KIAA0232: variants seen among roughly 807,000 people sequenced by gnomAD.
KIAA0232 encodes uncharacterized protein KIAA0232.
In KIAA0232, 27 loss-of-function variants were observed where a neutral mutation model predicts 122.0. The ratio of observed to expected loss-of-function variants is 0.22; its 90% CI spans 0.16 to 0.31. The LOEUF (loss-of-function observed/expected upper bound fraction) is 0.31, where lower values mean the gene tolerates loss of function less well. Ranked by LOEUF, KIAA0232 falls within the 10% of genes least tolerant of loss-of-function variation. KIAA0232 has a pLI of 1.00. For missense variants in KIAA0232, 1,551 were observed against 1,634.2 expected, an observed-to-expected ratio of 0.95 and a Z score of 0.88; for synonymous variants, 613 against 587.6, an observed-to-expected ratio of 1.04 and a Z score of -0.63.
At chr4:6,833,951 T>C (rs1040004635) in intron 3 of KIAA0232, among the ~76,000 whole-genome samples, 3 of 152,220 alleles carry the variant, frequency 2.0e-5, no homozygotes, top group African/African-American at 7.2e-5. Flanking sequence ...CCCCGCTTAC[T>C]GTAAGTCAGT....
At chr4:6,801,533 A>G (rs1717383622) in intron 1 of KIAA0232, among the ~76,000 whole-genome samples, 3 of 152,062 alleles carry the variant, frequency 2.0e-5, no homozygotes, top group Admixed American at 6.5e-5. Flanking sequence ...TACCAAAGAA[A>G]AAAGCTGGAC....
At chr4:6,817,898 A>G (rs539696308) in intron 2 of KIAA0232, among the ~76,000 whole-genome samples, 3 of 152,266 alleles carry the variant, frequency 2.0e-5, no homozygotes, top group South Asian at 2.1e-4. Context: ...TGATACATCT[A>G]TCCCTTTATC....
chr4:6,863,895 G>C lies in KIAA0232; in HGVS notation c.3513G>C (p.Glu1171Asp). 6.2e-7 allele frequency: 1 copy of C among 1,614,134 alleles called. No individual in the cohort carries two copies. Among genetic ancestry groups the C allele is most frequent in the South Asian group, 1.1e-5 (1 of 91,078 alleles). Residue 1171 changes from glutamate (E) to aspartate (D), a missense_variant, in exon 7 of 10, where the codon GAG becomes GAC. Around this residue, in one of 5 missense-constraint regions of KIAA0232, gnomAD observed 1,108 missense variants for 1,154.8 expected, o/e 0.96. Transcript: ENST00000307659. Reference sequence around the variant, plus strand: ...ATTACTATGGAAAATCAGAGCTTGAGTCTGGAAAATTCCTTCCCAGGTTAA... The same window carrying C: ...ATTACTATGGAAAATCAGAGCTTGACTCTGGAAAATTCCTTCCCAGGTTAA... The part of the protein sequence containing the change: ...EGHYYGKSEL[E>D]SGKFLPRLKK...
In KIAA0232 at chr4:6,855,547, A is replaced by AAT. The variant is rs1408526357; in HGVS notation, c.370-1606_370-1605dup. Among the ~76,000 whole-genome samples the AAT allele has an allele frequency of 1.6e-4, 25 of 152,058 alleles. No homozygotes were observed. The highest frequency in any genetic ancestry group is 4.8e-4 in the African/African-American group (20 of 41,474). On this transcript the variant is annotated intron_variant, in intron 4 of 9. Coordinates refer to ENST00000307659, the MANE Select transcript of KIAA0232 (RefSeq NM_014743.3). This position sits in a 1 kb window ranked among gnomAD's most constrained non-coding sequence, Gnocchi z 4.3. ...AAATATATGTTTATATATGACAGCAAATATATATATATCACTCATATAGTA... is the reference window on the plus strand; with the variant it reads ...AAATATATGTTTATATATGACAGCAAATATATATATATATCACTCATATAGTA...
intron 4 of KIAA0232, among the ~76,000 whole-genome samples, chr4:6,848,743 A>G (rs957577576): frequency 5.9e-5 from 9 of 152,226 alleles, no homozygotes; most frequent in Non-Finnish European, 1.2e-4. Flanking sequence ...CATCAATACA[A>G]TGATAACATT....
intron 4 of KIAA0232, 96 bp from the exon 5 acceptor site, chr4:6,857,068 T>C: frequency 1.4e-6 from 1 of 725,788 alleles, no homozygotes; most frequent in Non-Finnish European, 2.1e-6. Context: ...GGAATGTGGA[T>C]GATTTGTAAA....
chr4:6,865,148 A>G (rs1205699610), intron 7 of KIAA0232, among the ~76,000 whole-genome samples: 2 of 152,242 alleles, frequency 1.3e-5, no homozygotes, highest in African/African-American at 4.8e-5. Flanking sequence ...TGCCCAAGAA[A>G]TGGCTTAAGG....
At chr4:6,814,134 G>GTAGTTTA (rs1718006603) in intron 2 of KIAA0232, among the ~76,000 whole-genome samples, 1 of 152,142 alleles carries the variant, frequency 6.6e-6, no homozygotes, top group Admixed American at 6.5e-5. Flanking sequence ...TGGGGATAAC[G>GTAGTTTA]TAGTTTAAAT....
In KIAA0232 at chr4:6,831,538, G is replaced by C. The variant is rs536040360; in HGVS notation, c.231+6854G>C. ...CATATAGAGAACAACCATGGATTCT[G>C]TACAAGAATAAGAGGTTTTTTTCCC... On this transcript the variant is annotated intron_variant, in intron 3 of 9. Coordinates refer to ENST00000307659, the MANE Select transcript of KIAA0232 (RefSeq NM_014743.3). Among the ~76,000 whole-genome samples, 122 of 152,290 alleles carry C rather than the reference G, an allele frequency of 8.0e-4. 1 individual carries two copies. The highest frequency in any genetic ancestry group is 1.4e-3 in the Non-Finnish European group (92 of 68,024).
At chr4:6,814,444 A>G (rs763134165) in intron 2 of KIAA0232, among the ~76,000 whole-genome samples, 27 of 152,128 alleles carry the variant, frequency 1.8e-4, no homozygotes, top group Non-Finnish European at 3.2e-4. Flanking sequence ...CATATTTTAA[A>G]TAATTACTAT....
intron 2 of KIAA0232, among the ~76,000 whole-genome samples, chr4:6,809,499 A>G (rs780146173): frequency 2.6e-5 from 4 of 152,170 alleles, no homozygotes; most frequent in Non-Finnish European, 5.9e-5. Context: ...ATGATGAGTG[A>G]TTACCCTGAT....
intron 3 of KIAA0232, among the ~76,000 whole-genome samples, chr4:6,839,154 C>T (rs140937353): frequency 6.6e-6 from 1 of 152,132 alleles, no homozygotes; most frequent in African/African-American, 2.4e-5. Context: ...GCTAAGGATT[C>T]TTCCTTTCAA....
chr4:6,829,066 T>A (rs1577378676), intron 3 of KIAA0232, among the ~76,000 whole-genome samples: 4 of 152,086 alleles, frequency 2.6e-5, no homozygotes, highest in Admixed American at 2.6e-4. Flanking sequence ...TAATAATTCC[T>A]TGTTTTTCCC....
intron 7 of KIAA0232, chr4:6,866,310 A>G (rs1469297960): frequency 1.1e-6 from 1 of 877,590 alleles, no homozygotes; most frequent in Non-Finnish European, 1.4e-6. Context: ...GTTTCCTTGA[A>G]AGGTCTTAGC....
chr4:6,872,239 T>G (rs1721532638), intron 8 of KIAA0232, among the ~76,000 whole-genome samples: 1 of 152,230 alleles, frequency 6.6e-6, no homozygotes, highest in Admixed American at 6.5e-5. Context: ...ATTGAAAAAC[T>G]GAAGGCTATT....
Position 6,861,655 on chromosome 4 carries a change from C to T in KIAA0232, c.1273C>T (p.Arg425Ter). Residue 425 changes from arginine to a stop codon, truncating the protein, a stop_gained, in exon 7 of 10, where the codon CGA (arginine) becomes TGA (stop). Coordinates refer to ENST00000307659, the MANE Select transcript of KIAA0232 (RefSeq NM_014743.3). LOFTEE classifies it high-confidence loss of function. ...AAAAAGTAAACTAGAGACCACATAC[C>T]GAAACAGACAGGATACAAGTGATCT... ...SRKSKLETTYRNRQDTSDLTS... is the reference protein window; with the variant it reads ...SRKSKLETTY 6.2e-7 allele frequency: 1 copy of T among 1,613,950 alleles called. No individual in the cohort carries two copies. Among genetic ancestry groups the T allele is most frequent in the Non-Finnish European group, 8.5e-7 (1 of 1,180,006 alleles).
intron 5 of KIAA0232, among the ~76,000 whole-genome samples, chr4:6,858,212 C>G (rs7669558): frequency 0.44 from 66,995 of 151,986 alleles, 16,008 homozygotes; most frequent in Non-Finnish European, 0.54. Flanking sequence ...GAACAACTCT[C>G]ACCTCTTGGC....
chr4:6,847,437 C>T (rs1241879764), intron 4 of KIAA0232, among the ~76,000 whole-genome samples: 2 of 152,194 alleles, frequency 1.3e-5, no homozygotes, highest in African/African-American at 4.8e-5. Context: ...ATTGCCAAAA[C>T]AGAAGGGCAA....
chr4:6,821,765 C>A (rs550806415), intron 2 of KIAA0232, among the ~76,000 whole-genome samples: 5 of 151,822 alleles, frequency 3.3e-5, no homozygotes, highest in Admixed American at 3.3e-4. Context: ...GATTGATGGG[C>A]ATTTGGGCTG....
Sources: allele counts gnomAD v4.1 joint callset (sites outside exome capture counted in the v4.1 genomes callset), GRCh38; gene constraint gnomAD v4.1.1; regional missense constraint gnomAD v4.1.1; non-coding constraint Gnocchi (gnomAD v3.1); transcripts MANE v1.5; gene names NCBI Gene and HGNC (gene_info 2026-07-23, HGNC 2026-07-21).